The following PARD3B variants were observed in gnomAD, a reference collection of about 807,000 sequenced individuals.
The protein encoded by PARD3B is partitioning defective 3 homolog B.
A neutral mutation model predicts 130.2 loss-of-function variants in PARD3B; 103 were observed. That is an observed-to-expected ratio of 0.79 (90% CI 0.67 to 0.93). The LOEUF (loss-of-function observed/expected upper bound fraction) is 0.93, where lower values mean the gene tolerates loss of function less well. Among genes scored for constraint, PARD3B ranks in the 40% least tolerant of loss-of-function variants. The pLI is 0.00. For synonymous variants in PARD3B, 583 were observed against 553.2 expected (o/e 1.05, Z -0.76); for missense variants, 1,609 against 1,499.2 (o/e 1.07, Z -1.21).
chr2:205,285,423 A>G (rs1209515312), intron 16 of PARD3B, among the ~76,000 whole-genome samples: 1 of 152,052 alleles, frequency 6.6e-6, no homozygotes, highest in African/African-American at 2.4e-5. Context: ...TGCCTTGCCT[A>G]TTGTCCATGT....
chr2:205,359,916 G>T (rs2044327280), intron 18 of PARD3B, among the ~76,000 whole-genome samples: 1 of 152,082 alleles, frequency 6.6e-6, no homozygotes, highest in Non-Finnish European at 1.5e-5. Context: ...CCTTACTACT[G>T]CCAGAAAAGA....
chr2:205,402,439 T>C (rs1223181006), intron 19 of PARD3B, among the ~76,000 whole-genome samples: 1 of 152,172 alleles, frequency 6.6e-6, no homozygotes. Flanking sequence ...CTTACTGAGG[T>C]TACATCCCAT....
At chr2:204,650,587 G>A (rs1306416274) in intron 1 of PARD3B, among the ~76,000 whole-genome samples, 2 of 152,194 alleles carry the variant, frequency 1.3e-5, no homozygotes, top group East Asian at 3.9e-4. Context: ...ATGAGATCAT[G>A]TTCTTTTTAG....
chr2:205,071,015 T>G lies in PARD3B; in HGVS notation c.504+23325T>G, dbSNP rs371983030. On this transcript the variant is annotated intron_variant, in intron 4 of 22. Coordinates refer to ENST00000406610, the MANE Select transcript of PARD3B (RefSeq NM_001302769.2). ...TGTTAATGTAAAAAAAAAAACCACT[T>G]AATTTGGGGTTTTAAATGGCCAGTT... is the stretch of plus-strand genomic sequence containing the variant. Among the ~76,000 whole-genome samples the G allele has an allele frequency of 1.8e-3, 274 of 152,222 alleles. 1 individual carries two copies. The highest frequency in any genetic ancestry group is 6.1e-3 in the African/African-American group (254 of 41,532).
chr2:204,554,529 A>G (rs2030782354), intron 1 of PARD3B, among the ~76,000 whole-genome samples: 1 of 151,020 alleles, frequency 6.6e-6, no homozygotes, highest in Non-Finnish European at 1.5e-5. Context: ...AATCTGGTTG[A>G]CTCTGCTCTC....
rs1253818984 is a variant in PARD3B, at chr2:205,309,121, A to C, written c.2630+7420A>C. On this transcript the variant is annotated intron_variant, in intron 18 of 22. Transcript: ENST00000406610. This position sits in a 1 kb window ranked among gnomAD's most constrained non-coding sequence, Gnocchi z 4.7. ...GGAAGGTTATTTTTAAACCAACTCC[A>C]CATAGAGCTATAACAAAAAACTAAC... is the stretch of plus-strand genomic sequence containing the variant. Among the ~76,000 whole-genome samples the C allele has an allele frequency of 6.6e-6, 1 of 152,238 alleles. No individual in the cohort carries two copies. The highest frequency in any genetic ancestry group is 1.5e-5 in the Non-Finnish European group (1 of 68,024).
At chr2:205,604,069 T>G (rs1232297771) in intron 22 of PARD3B, among the ~76,000 whole-genome samples, 1 of 152,184 alleles carries the variant, frequency 6.6e-6, no homozygotes, top group Non-Finnish European at 1.5e-5. Flanking sequence ...CAGCATTTGC[T>G]TGTCTGGAAA....
intron 2 of PARD3B, among the ~76,000 whole-genome samples, chr2:204,924,018 T>C (rs1687395065): frequency 6.6e-6 from 1 of 152,086 alleles, no homozygotes; most frequent in Non-Finnish European, 1.5e-5. Flanking sequence ...TCAGGAAATA[T>C]TTTATTAAAC....
At chr2:205,310,909 A>G (rs569280969) in intron 18 of PARD3B, among the ~76,000 whole-genome samples, 1 of 151,774 alleles carries the variant, frequency 6.6e-6, no homozygotes, top group East Asian at 1.9e-4. Flanking sequence ...TTTTTAGTAG[A>G]GACGGAGTTT....
At chr2:204,672,654 A>G (rs563156050) in intron 1 of PARD3B, among the ~76,000 whole-genome samples, 1 of 152,328 alleles carries the variant, frequency 6.6e-6, no homozygotes, top group South Asian at 2.1e-4. Flanking sequence ...GGCATAGGAA[A>G]AAAATTGGGA....
At chr2:205,113,996 A>G (rs1046199347) in intron 6 of PARD3B, among the ~76,000 whole-genome samples, 2 of 152,148 alleles carry the variant, frequency 1.3e-5, no homozygotes, top group African/African-American at 2.4e-5. Flanking sequence ...AGCATTTAGA[A>G]TAATAAATAT....
At chr2:205,383,109 T>TAGATAGATAGAG (rs2045525223) in intron 18 of PARD3B, among the ~76,000 whole-genome samples, 4 of 144,882 alleles carry the variant, frequency 2.8e-5, no homozygotes, top group Non-Finnish European at 6.1e-5. Flanking sequence ...GATAGATAGA[T>TAGATAGATAGAG]AGATAGATAG....
At chr2:205,182,542 A>G (rs2035853053) in intron 13 of PARD3B, among the ~76,000 whole-genome samples, 1 of 152,204 alleles carries the variant, frequency 6.6e-6, no homozygotes, top group Non-Finnish European at 1.5e-5. Context: ...ACACGAGGAG[A>G]AAGTTATCTA....
intron 2 of PARD3B, among the ~76,000 whole-genome samples, chr2:204,828,277 C>T (rs754180874): frequency 6.6e-6 from 1 of 151,978 alleles, no homozygotes; most frequent in East Asian, 1.9e-4. Flanking sequence ...CTTCCCTTTC[C>T]TTCTACTTCT....
chr2:204,867,523 A>G (rs17619943), intron 2 of PARD3B, among the ~76,000 whole-genome samples: 7,119 of 152,258 alleles, frequency 0.047, 237 homozygotes, highest in Non-Finnish European at 0.07. Flanking sequence ...TGGGCTGTAT[A>G]TAGTATTTTT....
At chr2:204,700,373 G>A (rs1574744270) in intron 2 of PARD3B, among the ~76,000 whole-genome samples, 1 of 152,048 alleles carries the variant, frequency 6.6e-6, no homozygotes, top group South Asian at 2.1e-4. Context: ...ATTTAATTTT[G>A]TACAGTGAAA....
chr2:205,266,255 G>A (rs1415759543), intron 16 of PARD3B, among the ~76,000 whole-genome samples: 5 of 151,988 alleles, frequency 3.3e-5, no homozygotes, highest in East Asian at 1.9e-4. Context: ...TGTTTAACTC[G>A]ACACAGAAAA....
chr2:204,894,262 T>C (rs2046559652), intron 2 of PARD3B, among the ~76,000 whole-genome samples: 1 of 152,118 alleles, frequency 6.6e-6, no homozygotes, highest in Admixed American at 6.6e-5. Flanking sequence ...CTGTTGAAAT[T>C]GTAGTAATGG....
intron 2 of PARD3B, among the ~76,000 whole-genome samples, chr2:204,952,344 GCT>G (rs1444728350): frequency 1.3e-5 from 2 of 152,052 alleles, no homozygotes; most frequent in African/African-American, 4.8e-5. Context: ...CTTCCCACCT[GCT>G]CTCTCTTAAG....
Sources: gnomAD v4.1 joint callset for allele counts (sites outside exome capture counted in the v4.1 genomes callset) on GRCh38, gnomAD v4.1.1 for gene constraint, Gnocchi (gnomAD v3.1) non-coding constraint, MANE v1.5 for transcripts, NCBI Gene and HGNC (gene_info 2026-07-23, HGNC 2026-07-21) for gene names.